VEPH1: variants seen among roughly 807,000 people sequenced by gnomAD.
VEPH1 encodes the protein ventricular zone-expressed PH domain-containing protein homolog 1.
Under a neutral mutation model 85.2 loss-of-function variants are expected in VEPH1, and 80 were observed. The ratio of observed to expected loss-of-function variants is 0.94; its 90% CI spans 0.78 to 1.13. VEPH1 has a LOEUF of 1.13. Among genes scored for constraint, VEPH1 ranks in the 50% most tolerant of loss-of-function variants. The pLI is 0.00. For missense variants in VEPH1, 955 were observed against 980.5 expected, an observed-to-expected ratio of 0.97 and a Z score of 0.35; for synonymous variants, 297 against 348.0, an observed-to-expected ratio of 0.85 and a Z score of 1.63.
chr3:157,354,349 T>A (rs1725198770), intron 9 of VEPH1, among the ~76,000 whole-genome samples: 1 of 152,178 alleles, frequency 6.6e-6, no homozygotes, highest in Non-Finnish European at 1.5e-5. Flanking sequence ...CCTCTAGTCT[T>A]ATCTGTCTCA....
intron 9 of VEPH1, among the ~76,000 whole-genome samples, chr3:157,321,443 A>G (rs1721339218): frequency 6.6e-6 from 1 of 152,206 alleles, no homozygotes. Context: ...CTTTGTACCC[A>G]GATGTAAGTG....
In VEPH1 at chr3:157,381,218, G is replaced by T; in HGVS notation, c.1065C>A (p.Ser355Arg). The change falls in exon 7 of 14, where the codon AGC becomes AGA. Residue 355 changes from serine to arginine, a missense_variant. Ser to Arg is a moderately radical substitution (Grantham distance 110, BLOSUM62 -1). Coordinates refer to ENST00000362010, the MANE Select transcript of VEPH1 (RefSeq NM_001167912.2). ...QSRDIFRMSN[S>R]FTAIAKLLTR... ...TAAGGAGTTTAGCAATGGCGGTGAA[G>T]CTGTTGCTCATGCGGAAGATGTCTC... 6.2e-7 allele frequency: 1 copy of T among 1,614,104 alleles called. No homozygotes were observed. The highest frequency in any genetic ancestry group is 8.5e-7 in the Non-Finnish European group (1 of 1,180,012).
intron 11 of VEPH1, among the ~76,000 whole-genome samples, chr3:157,313,059 C>T (rs1380462185): frequency 1.3e-5 from 2 of 151,454 alleles, no homozygotes; most frequent in African/African-American, 2.4e-5. Context: ...CGCCCGCTAC[C>T]ACGCCCGGCT....
chr3:157,302,635 AT>A (rs1317077975), intron 11 of VEPH1, among the ~76,000 whole-genome samples: 1 of 152,218 alleles, frequency 6.6e-6, no homozygotes, highest in Admixed American at 6.5e-5. Flanking sequence ...TGTAAGAAAC[AT>A]TTTTGTTGTT....
At chr3:157,482,079 T>C (rs537889362) in intron 2 of VEPH1, among the ~76,000 whole-genome samples, 22 of 152,348 alleles carry the variant, frequency 1.4e-4, no homozygotes, top group African/African-American at 1.9e-4. Context: ...TGTAGCCTTA[T>C]AGTATAGTTT....
intron 11 of VEPH1, among the ~76,000 whole-genome samples, chr3:157,299,083 T>C (rs189436355): frequency 1.4e-4 from 22 of 152,332 alleles, no homozygotes; most frequent in African/African-American, 4.8e-4. Flanking sequence ...TTTTTAGATG[T>C]GTCTTTTGGA....
chr3:157,460,471 CA>C, intron 3 of VEPH1, 116 bp from the exon 4 acceptor site: 7 of 1,297,292 alleles, frequency 5.4e-6, no homozygotes, highest in Middle Eastern at 2.4e-4. Flanking sequence ...GCTGTGAAAA[CA>C]CAGGCCTTGC....
At chr3:157,484,754 A>G (rs1738467968) in intron 2 of VEPH1, among the ~76,000 whole-genome samples, 1 of 152,206 alleles carries the variant, frequency 6.6e-6, no homozygotes, top group Admixed American at 6.5e-5. Flanking sequence ...TAGTTACTGT[A>G]ATTAATCAAA....
At chr3:157,415,083 C>T (rs901371483) in intron 5 of VEPH1, 1 of 152,196 alleles carries the variant, frequency 6.6e-6, no homozygotes, top group Non-Finnish European at 1.5e-5. Flanking sequence ...TAAATGACAC[C>T]ATTATCCACC....
At chr3:157,382,208 G>A (rs540705747) in intron 6 of VEPH1, among the ~76,000 whole-genome samples, 4 of 152,288 alleles carry the variant, frequency 2.6e-5, no homozygotes, top group Non-Finnish European at 5.9e-5. Flanking sequence ...GGCCGATTGA[G>A]TAGATTATAT....
At position 157,363,752 on chromosome 3, in the gene VEPH1, A is replaced by T; in HGVS notation, c.1347T>A (p.Ser449Arg). Residue 449 changes from serine (S) to arginine (R), a missense_variant, in exon 9 of 14, where the codon AGT (serine) becomes AGA (arginine). Transcript: ENST00000362010. Reference protein sequence around the residue: ...RKNIRFNRSKSLAFHTMLTKG... With the variant: ...RKNIRFNRSKRLAFHTMLTKG... ...TTGTGAGCATAGTGTGGAAAGCCAA[A>T]CTTTTTGACCTAGAGTTCAAACAAA... 1 of 1,611,034 alleles carries T rather than the reference A, an allele frequency of 6.2e-7. No homozygotes were observed. Among genetic ancestry groups the T allele is most frequent in the Non-Finnish European group, 8.5e-7 (1 of 1,177,814 alleles).
intron 4 of VEPH1, chr3:157,443,067 A>G: frequency 1.4e-6 from 2 of 1,434,636 alleles, no homozygotes; most frequent in Non-Finnish European, 1.9e-6. Context: ...TCAGTGCATA[A>G]TAGGAACACT....
chr3:157,456,902 C>A (rs769636047), intron 4 of VEPH1, among the ~76,000 whole-genome samples: 10 of 151,978 alleles, frequency 6.6e-5, no homozygotes, highest in Non-Finnish European at 1.3e-4. Context: ...TTTTCTAGTT[C>A]TGTGATGAAT....
At chr3:157,387,568 G>A (rs2108898045) in intron 6 of VEPH1, among the ~76,000 whole-genome samples, 1 of 152,142 alleles carries the variant, frequency 6.6e-6, no homozygotes, top group Admixed American at 6.5e-5. Context: ...AACCATTTAG[G>A]GCAGCTCTGT....
In VEPH1 at chr3:157,423,723, C is replaced by T. The variant is rs868459402; in HGVS notation, c.696+4599G>A. 4.4e-4 allele frequency among the ~76,000 whole-genome samples: 67 copies of T among 152,316 alleles called. No homozygotes were observed. The Middle Eastern group carries it at 0.014, about 31-fold the overall frequency. ...TTCTATGTTTATTGTCAGTTTGGTT[C>T]TATGAATGTTTATTGAGCACTATCA... On this transcript the variant is annotated intron_variant, in intron 5 of 13. Transcript: ENST00000362010.
chr3:157,351,511 G>A (rs1724870263), intron 9 of VEPH1, among the ~76,000 whole-genome samples: 1 of 152,134 alleles, frequency 6.6e-6, no homozygotes, highest in Non-Finnish European at 1.5e-5. Context: ...TCAATTAATA[G>A]GTGATCATTA....
chr3:157,460,699 A>G (rs1322886605), intron 3 of VEPH1, among the ~76,000 whole-genome samples: 1 of 152,170 alleles, frequency 6.6e-6, no homozygotes, highest in Non-Finnish European at 1.5e-5. Context: ...TCATGGATGA[A>G]TAAGAGATGG....
intron 9 of VEPH1, among the ~76,000 whole-genome samples, chr3:157,338,321 T>G (rs1309903373): frequency 6.6e-6 from 1 of 152,098 alleles, no homozygotes; most frequent in Non-Finnish European, 1.5e-5. Context: ...TCTACTGGAG[T>G]CCATGTTCCA....
intron 6 of VEPH1, chr3:157,413,445 T>A: frequency 1.0e-6 from 1 of 984,844 alleles, no homozygotes; most frequent in South Asian, 4.7e-5. Context: ...TCTAATTCTG[T>A]GCTTACTGAT....
Sources: gnomAD v4.1 joint callset for allele counts (sites outside exome capture counted in the v4.1 genomes callset) on GRCh38, gnomAD v4.1.1 for gene constraint, MANE v1.5 for transcripts, NCBI Gene and HGNC (gene_info 2026-07-23, HGNC 2026-07-21) for gene names.